The following PLCH2 variants were observed in gnomAD, a reference collection of about 807,000 sequenced individuals.
PLCH2 encodes phospholipase C eta 2.
In PLCH2, 98 loss-of-function variants were observed where a neutral mutation model predicts 134.7. The observed-to-expected ratio is 0.73, with a 90% CI of 0.62 to 0.86. PLCH2 has a LOEUF of 0.86. Among genes scored for constraint, PLCH2 ranks in the 40% least tolerant of loss-of-function variants. The probability of loss-of-function intolerance (pLI) is 0.00; values close to 1 mark genes in which losing one functional copy is unlikely to be tolerated. For synonymous variants in PLCH2, 974 were observed against 827.5 expected, an observed-to-expected ratio of 1.18 and a Z score of -3.04; for missense variants, 1,994 against 1,986.6, an observed-to-expected ratio of 1.00 and a Z score of -0.07.
intron 18 of PLCH2, 24 bp from the exon 19 acceptor site, chr1:2,499,060 C>G (rs775862741): frequency 6.3e-7 from 1 of 1,598,738 alleles, no homozygotes; most frequent in Non-Finnish European, 8.5e-7. Flanking sequence ...CCATGGGACA[C>G]TCCTCCTGGC....
upstream of PLCH2, among the ~76,000 whole-genome samples, chr1:2,465,261 T>A (rs888331929): frequency 2.6e-5 from 4 of 152,114 alleles, no homozygotes; most frequent in Non-Finnish European, 5.9e-5. Flanking sequence ...AGCCTTAGAC[T>A]GTGGGGACAG....
rs969425551 is a variant in PLCH2, at chr1:2,484,610, G to C, written c.808G>C (p.Glu270Gln). The change falls in exon 5 of 22, where the codon GAG becomes CAG. Residue 270 changes from glutamate to glutamine, a missense_variant. Physicochemically the swap from Glu to Gln is conservative, Grantham distance 29 (BLOSUM62 2). This residue lies in a region of PLCH2 where 1,094 missense variants were observed against 1,234.3 expected (regional missense o/e 0.89). Transcript: ENST00000378486. ...AASLQRFLQV[E>Q]QKMAGVTLES... is the part of the protein sequence containing the mutation. Reference sequence around the variant, plus strand: ...CAGCCTGCAGCGCTTCCTGCAGGTGGAGCAGAAGGTGTGCTGCCCGGGGCA... The same window carrying C: ...CAGCCTGCAGCGCTTCCTGCAGGTGCAGCAGAAGGTGTGCTGCCCGGGGCA... 1.9e-6 allele frequency: 3 copies of C among 1,611,588 alleles called. No individual in the cohort carries two copies. The African/African-American group carries it at 4.0e-5, about 22-fold the overall frequency.
At chr1:2,499,307 G>C in intron 19 of PLCH2, 77 bp downstream of exon 19, 1 of 1,521,708 alleles carries the variant, frequency 6.6e-7, no homozygotes, top group Middle Eastern at 2.2e-4. Flanking sequence ...TCCCCTGTGA[G>C]TCAGTGCCTG....
At chr1:2,460,343 C>T (rs1449090786) in intron 2 of PLCH2, among the ~76,000 whole-genome samples, 1 of 152,266 alleles carries the variant, frequency 6.6e-6, no homozygotes, top group Non-Finnish European at 1.5e-5. Context: ...CTGGTTTCCT[C>T]ACTTCCTCTC....
At chr1:2,417,139 T>C in the PLCH2 span, among the ~76,000 whole-genome samples, 1 of 152,152 alleles carries the variant, frequency 6.6e-6, no homozygotes, top group Admixed American at 6.5e-5. Context: ...AGTCTCTACC[T>C]GTCGCTGGGA....
chr1:2,443,666 C>G (rs1294747067), intron 2 of PLCH2, among the ~76,000 whole-genome samples: 1 of 149,476 alleles, frequency 6.7e-6, no homozygotes, highest in Non-Finnish European at 1.5e-5. Flanking sequence ...GCCCGGTGCC[C>G]GCCGCGGAGC....
In PLCH2 at chr1:2,502,982, G is replaced by A. The variant is rs574239958; in HGVS notation, c.2959+573G>A. ...GGCTGGGCCTGGGTCACCTGCTGCT[G>A]CTTCTGCGTGGACGGTGTCGCCTCG... On this transcript the variant is annotated intron_variant, in intron 21 of 21. Transcript: ENST00000378486. 296 of 716,784 alleles carry A rather than the reference G, an allele frequency of 4.1e-4. 5 individuals are homozygous for A. The highest frequency in any genetic ancestry group is 1.7e-3 in the South Asian group (117 of 67,322). The allele number at this position is 716,784 out of a possible 1,614,324, so 44.4% of individuals were successfully genotyped here. A position where few individuals can be genotyped will look rare whatever the true frequency, so the allele number is the denominator to read the frequency against.
Position 2,497,524 on chromosome 1 carries a change from G to A in PLCH2, c.2139G>A (p.Glu713=), listed in dbSNP as rs367788290. ...CQMVALNYQS[E]GRMLQLNRAK... Reference sequence around the variant, plus strand: ...CAGTTGCCCTGAACTACCAGTCAGAGGGGCGGATGCTGCAGCTGAACCGAG... The same window carrying A: ...CAGTTGCCCTGAACTACCAGTCAGAAGGGCGGATGCTGCAGCTGAACCGAG... Residue 713 remains glutamate (E), a synonymous_variant, in exon 16 of 22, where the codon GAG becomes GAA. Coordinates refer to ENST00000378486, the MANE Select transcript of PLCH2 (RefSeq NM_014638.4). 3.2e-6 allele frequency: 5 copies of A among 1,557,754 alleles called. No homozygotes were observed. The highest frequency in any genetic ancestry group is 4.3e-6 in the Non-Finnish European group (5 of 1,151,248).
chr1:2,497,644 A>C, intron 16 of PLCH2, 35 bp downstream of exon 16: 4 of 1,422,086 alleles, frequency 2.8e-6, no homozygotes, highest in Non-Finnish European at 3.9e-6. Context: ...TCGGACGCTC[A>C]GGGCTCGGAT....
chr1:2,472,510 T>C (rs1333084474), upstream of PLCH2, among the ~76,000 whole-genome samples: 1 of 152,032 alleles, frequency 6.6e-6, no homozygotes, highest in African/African-American at 2.4e-5. Flanking sequence ...GCCTCACTGC[T>C]GCTGAGGTCC....
upstream of PLCH2, among the ~76,000 whole-genome samples, chr1:2,473,588 C>T (rs985617818): frequency 1.3e-5 from 2 of 152,198 alleles, no homozygotes; most frequent in Non-Finnish European, 1.5e-5. Flanking sequence ...GGCCTGGTGG[C>T]CTTAGCTGCC....
chr1:2,426,527 C>G (rs1053902585), intron 1 of PLCH2, among the ~76,000 whole-genome samples: 3 of 152,216 alleles, frequency 2.0e-5, no homozygotes, highest in Non-Finnish European at 4.4e-5. Context: ...AGTCCCCGGC[C>G]TACACACACG....
intron 2 of PLCH2, among the ~76,000 whole-genome samples, chr1:2,450,137 C>T (rs1368729519): frequency 6.6e-6 from 1 of 152,230 alleles, no homozygotes; most frequent in Non-Finnish European, 1.5e-5. Context: ...GCACCCTGGG[C>T]AGAGGTGGCT....
chr1:2,494,611 G>A (rs1261114699), intron 11 of PLCH2: 3 of 584,440 alleles, frequency 5.1e-6, no homozygotes, highest in East Asian at 5.7e-5. Flanking sequence ...GTTTCCACCG[G>A]GGCCTGACTT....
intron 1 of PLCH2, among the ~76,000 whole-genome samples, chr1:2,426,926 C>A (rs1638825543): frequency 6.6e-6 from 1 of 152,192 alleles, no homozygotes; most frequent in African/African-American, 2.4e-5. Flanking sequence ...TCCGCTAAGT[C>A]CAGGGGTGGG....
At chr1:2,442,505 C>T (rs978073314) in intron 2 of PLCH2, among the ~76,000 whole-genome samples, 2 of 152,236 alleles carry the variant, frequency 1.3e-5, no homozygotes, top group Non-Finnish European at 2.9e-5. Flanking sequence ...CTCAGCCTTT[C>T]CTCTCCCTGG....
rs373826367 is a variant in PLCH2, at chr1:2,504,419, G to A, written c.3457G>A (p.Asp1153Asn). Residue 1153 changes from aspartate (D) to asparagine (N), a missense_variant, in exon 22 of 22, where the codon GAC (aspartate) becomes AAC (asparagine). Physicochemically the swap from Asp to Asn is conservative, Grantham distance 23 (BLOSUM62 1). This residue lies in a region of PLCH2 where 900 missense variants were observed against 752.3 expected (regional missense o/e 1.20). Coordinates refer to ENST00000378486, the MANE Select transcript of PLCH2 (RefSeq NM_014638.4). The part of the protein sequence containing the change: ...VSSSSSMSSS[D>N]TVIDLSLPSL... The stretch of plus-strand genomic sequence containing the variant: ...CTCCTCCTCCAGCATGTCATCCAGC[G>A]ACACTGTCATTGACCTCTCCCTGCC... 6.8e-6 allele frequency: 11 copies of A among 1,612,438 alleles called. No homozygotes were observed. Among genetic ancestry groups the A allele is most frequent in the Admixed American group, 5.0e-5 (3 of 60,012 alleles).
chr1:2,504,040 T>C lies in PLCH2; in HGVS notation c.3078T>C (p.Ser1026=). The change falls in exon 22 of 22, where the codon TCT becomes TCC. Residue 1026 remains serine (S), a synonymous_variant. Transcript: ENST00000378486. ...PPPPAAVPTS[S]SQGRPPYPTG... Reference sequence around the variant, plus strand: ...CACCAGCGGCTGTCCCCACCAGCTCTTCTCAGGGACGGCCCCCATACCCCA... The same window carrying C: ...CACCAGCGGCTGTCCCCACCAGCTCCTCTCAGGGACGGCCCCCATACCCCA... 4 of 1,543,948 alleles carry C rather than the reference T, an allele frequency of 2.6e-6. No individual in the cohort carries two copies. The highest frequency in any genetic ancestry group is 4.0e-5 in the Admixed American group (2 of 50,612).
upstream of PLCH2, among the ~76,000 whole-genome samples, chr1:2,424,024 C>T (rs997789362): frequency 6.6e-6 from 1 of 152,082 alleles, no homozygotes; most frequent in African/African-American, 2.4e-5. Context: ...CCTGGCCTCC[C>T]AGCATGAGCC....
Sources: allele counts gnomAD v4.1 joint callset (sites outside exome capture counted in the v4.1 genomes callset), GRCh38; gene constraint gnomAD v4.1.1; regional missense constraint gnomAD v4.1.1; transcripts MANE v1.5; gene names NCBI Gene and HGNC (gene_info 2026-07-23, HGNC 2026-07-21).